Variants in DVL1 observed in about 807,000 individuals in gnomAD.
The protein encoded by DVL1 is dishevelled segment polarity protein 1.
A neutral mutation model predicts 65.0 loss-of-function variants in DVL1; 49 were observed. The observed-to-expected ratio is 0.75, with a 90% confidence interval of 0.60 to 0.96. The LOEUF is 0.96. DVL1 is among the 40% of genes least tolerant of loss of function. The pLI is 0.00. For synonymous variants in DVL1, 608 were observed against 433.9 expected (o/e 1.40, Z -4.99); for missense variants, 1,197 against 1,045.4 (o/e 1.15, Z -2.00).
intron 1 of DVL1, among the ~76,000 whole-genome samples, chr1:1,343,063 C>T (rs1047885238): frequency 6.6e-6 from 1 of 152,162 alleles, no homozygotes; most frequent in Non-Finnish European, 1.5e-5. Flanking sequence ...TGGCTGTGGA[C>T]ATCCTCACAG....
Position 1,341,590 on chromosome 1 carries a change from G to GCAAA in DVL1, c.605+76_605+77insTTTG, listed in dbSNP as rs1333124430. ...CACGTGCAATGTGAAAACACCTCAT[G>GCAAA]CAGACACATGCACATCATGTACAGA... On this transcript the variant is annotated intron_variant, in intron 5 of 14. Transcript: ENST00000378888. 463 of 839,974 alleles carry GCAAA rather than the reference G, an allele frequency of 5.5e-4. 2 individuals carry two copies. Among genetic ancestry groups the GCAAA allele is most frequent in the Admixed American group, 3.8e-3 (111 of 29,194 alleles). The allele number at this position is 839,974 out of a possible 1,614,324, so 52.0% of individuals were successfully genotyped here. A position where few individuals can be genotyped will look rare whatever the true frequency, so the allele number is the denominator to read the frequency against.
rs1051356744 is a variant in DVL1, at chr1:1,338,606, C to G, written c.1255G>C (p.Val419Leu). 1.9e-6 allele frequency: 3 copies of G among 1,612,128 alleles called. No homozygotes were observed. The highest frequency in any genetic ancestry group is 1.3e-5 in the African/African-American group (1 of 75,046). Reference sequence around the variant, plus strand: ...GAGTCTGGCAGCTGCATGACCCGGACGACGGCGCTCATGTCACTCTTCACC... The same window carrying G: ...GAGTCTGGCAGCTGCATGACCCGGAGGACGGCGCTCATGTCACTCTTCACC... ...LTVKSDMSAV[V>L]RVMQLPDSGL... The change falls in exon 12 of 15, where the codon GTC becomes CTC. Residue 419 changes from valine (V) to leucine (L), a missense_variant. Physicochemically the swap from Val to Leu is conservative, Grantham distance 32. Coordinates refer to ENST00000378888, the MANE Select transcript of DVL1 (RefSeq NM_001330311.2).
Position 1,342,445 on chromosome 1 carries a change from G to C in DVL1, c.280C>G (p.Gln94Glu), listed in dbSNP as rs1643864090. ...AEGAHSDAGS[Q>E]GTDSHTDLPP... ...AGGTCTGTGTGGCTGTCCGTGCCCT[G>C]GGACCCCGCATCCGAGTGAGCACCC... The change falls in exon 3 of 15, where the codon CAG (glutamine) becomes GAG (glutamate). Residue 94 changes from glutamine (Q) to glutamate (E), a missense_variant. By Grantham distance (29) the Gln-to-Glu change is conservative (BLOSUM62 2). Transcript: ENST00000378888. 2 of 1,606,312 alleles carry C rather than the reference G, an allele frequency of 1.2e-6. No homozygotes were observed. The highest frequency in any genetic ancestry group is 1.7e-6 in the Non-Finnish European group (2 of 1,177,486).
chr1:1,337,042 C>T (rs1173346350), intron 14 of DVL1: 1 of 988,496 alleles, frequency 1.0e-6, no homozygotes, highest in Non-Finnish European at 1.2e-6. Context: ...CTCCGCTAGT[C>T]CTTCAGTCTA....
At position 1,342,734 on chromosome 1, in the gene DVL1, A is replaced by G; in HGVS notation, c.195T>C (p.Asp65=). ...TGAAGCAGGGAAGCTTGGCATTGTC[A>G]TCAAAGATCTCCTCCTTCACCACCC... is the stretch of plus-strand genomic sequence containing the variant. The part of the protein sequence containing the change: ...DFGVVKEEIF[D]DNAKLPCFNG... The change falls in exon 2 of 15, where the codon GAT becomes GAC. Residue 65 remains aspartate (D), a synonymous_variant. Coordinates refer to ENST00000378888, the MANE Select transcript of DVL1 (RefSeq NM_001330311.2). 1 of 1,613,050 alleles carries G rather than the reference A, an allele frequency of 6.2e-7. No individual in the cohort carries two copies. Among genetic ancestry groups the G allele is most frequent in the African/African-American group, 1.3e-5 (1 of 75,030 alleles).
rs1224614564 is a variant in DVL1, at chr1:1,341,660, CA to C, written c.605+6del. 6.3e-7 allele frequency: 1 copy of C among 1,596,202 alleles called. No homozygotes were observed. Among genetic ancestry groups the C allele is most frequent in the Non-Finnish European group, 8.6e-7 (1 of 1,169,344 alleles). ...AGGCATACACGCCCACAGACACTCC[CA>C]CACACCTGCTCGTGCTGCCATCCTC... On this transcript the variant is annotated splice_donor_region_variant and intron_variant, in intron 5 of 14. Transcript: ENST00000378888.
chr1:1,342,498 A>G lies in DVL1; in HGVS notation c.241-14T>C. 6.2e-7 allele frequency: 1 copy of G among 1,608,700 alleles called. No individual in the cohort carries two copies. ...AGCCAGGACCAGCTGTGGAGGGAGCAGGCATGCTCAGGGGAGCCCACCCGC... is the reference window on the plus strand; with the variant it reads ...AGCCAGGACCAGCTGTGGAGGGAGCGGGCATGCTCAGGGGAGCCCACCCGC... On this transcript the variant is annotated splice_polypyrimidine_tract_variant and intron_variant, in intron 2 of 14. Transcript: ENST00000378888.
At chr1:1,338,229 T>TGGGCCG in intron 13 of DVL1, 40 bp downstream of exon 13, 5 of 1,522,358 alleles carry the variant, frequency 3.3e-6, no homozygotes, top group Non-Finnish European at 4.5e-6. Flanking sequence ...CCTCCGGCGT[T>TGGGCCG]CCCCTCCCCC....
intron 2 of DVL1, 64 bp from the exon 3 acceptor site, chr1:1,342,548 C>A: frequency 6.3e-7 from 1 of 1,582,968 alleles, no homozygotes; most frequent in East Asian, 2.3e-5. Flanking sequence ...CTCAGGGCAC[C>A]CAGGGAACAG....
At position 1,339,296 on chromosome 1, in the gene DVL1, C is replaced by T; in HGVS notation, c.1198G>A (p.Gly400Ser). 1 of 1,548,516 alleles carries T rather than the reference C, an allele frequency of 6.5e-7. No homozygotes were observed. The highest frequency in any genetic ancestry group is 2.0e-5 in the Admixed American group (1 of 50,988). ...AGGAGCTGCCACTTACGTGGAGCAC[C>T]AGGCACGGAGCTGGTTAGTGAGGAG... is the stretch of plus-strand genomic sequence containing the variant. ...SSSSLTSSVP[G>S]APQLEEAPLT... The change falls in exon 11 of 15, where the codon GGT becomes AGT. Residue 400 changes from glycine (G) to serine (S), a missense_variant. Transcript: ENST00000378888.
At chr1:1,336,855 T>C (rs972973220) in intron 14 of DVL1, among the ~76,000 whole-genome samples, 1 of 152,112 alleles carries the variant, frequency 6.6e-6, no homozygotes, top group East Asian at 1.9e-4. Flanking sequence ...CCCGTGGCCA[T>C]CCTGGATTCC....
chr1:1,346,585 G>A (rs375680056), intron 1 of DVL1, among the ~76,000 whole-genome samples: 5 of 152,218 alleles, frequency 3.3e-5, no homozygotes, highest in Non-Finnish European at 7.3e-5. Flanking sequence ...GAGGACAGGC[G>A]GGGGACCTTC....
intron 5 of DVL1, among the ~76,000 whole-genome samples, chr1:1,341,339 G>A (rs997309200): frequency 5.9e-5 from 9 of 151,578 alleles, no homozygotes; most frequent in African/African-American, 1.9e-4. Flanking sequence ...GTACATAAAC[G>A]TTTGCACACA....
chr1:1,339,060 TA>T (rs971572190), intron 11 of DVL1, among the ~76,000 whole-genome samples: 5 of 152,158 alleles, frequency 3.3e-5, no homozygotes, highest in African/African-American at 1.2e-4. Flanking sequence ...GCTCCCCGCA[TA>T]GGGGCCCTAC....
At chr1:1,342,812 C>T (rs1367641459) in intron 1 of DVL1, 54 bp from the exon 2 acceptor site, 1 of 1,585,696 alleles carries the variant, frequency 6.3e-7, no homozygotes, top group African/African-American at 1.3e-5. Context: ...CCCTGCGGTT[C>T]TAGAGGTGAG....
chr1:1,348,602 C>G (rs1193869130), intron 1 of DVL1, among the ~76,000 whole-genome samples: 1 of 152,184 alleles, frequency 6.6e-6, no homozygotes, highest in Non-Finnish European at 1.5e-5. Flanking sequence ...CGGCCAGCCC[C>G]GGTGGAAGCG....
At chr1:1,336,915 G>A (rs1299321321) in intron 14 of DVL1, 2 of 847,838 alleles carry the variant, frequency 2.4e-6, no homozygotes, top group Non-Finnish European at 2.9e-6. Context: ...GCCGACGGAT[G>A]ACTCAGCTCA....
intron 5 of DVL1, among the ~76,000 whole-genome samples, chr1:1,341,351 G>A (rs903781595): frequency 6.7e-6 from 1 of 149,576 alleles, no homozygotes; most frequent in East Asian, 2.0e-4. Flanking sequence ...TTGCACACAG[G>A]TACATGCACA....
At chr1:1,342,266 C>G in intron 3 of DVL1, 97 bp downstream of exon 3, 1 of 1,495,916 alleles carries the variant, frequency 6.7e-7, no homozygotes, top group Non-Finnish European at 8.9e-7. Context: ...AGGTGCCACG[C>G]CCGCCTACTG....
Sources: allele counts gnomAD v4.1 joint callset (sites outside exome capture counted in the v4.1 genomes callset), GRCh38; gene constraint gnomAD v4.1.1; transcripts MANE v1.5; gene names NCBI Gene and HGNC (gene_info 2026-07-23, HGNC 2026-07-21).